GLT6D1: variants seen among roughly 807,000 people sequenced by gnomAD.
GLT6D1 encodes glycosyltransferase 6 domain containing 1, also known as putative glycosyltransferase 6 domain-containing protein 1.
In GLT6D1, 9 loss-of-function variants were observed where a neutral mutation model predicts 12.3. The ratio of observed to expected loss-of-function variants is 0.73; its 90% CI spans 0.44 to 1.27. The LOEUF (loss-of-function observed/expected upper bound fraction) is 1.27. Ranked by LOEUF, GLT6D1 falls within the 50% of genes most tolerant of loss-of-function variation. The pLI, the probability that GLT6D1 is intolerant of heterozygous loss-of-function variation, is 0.00. For synonymous variants in GLT6D1, 128 were observed against 132.3 expected (o/e 0.97, Z 0.23); for missense variants, 335 against 346.2 (o/e 0.97, Z 0.26).
intron 2 of GLT6D1, among the ~76,000 whole-genome samples, chr9:135,638,871 A>G (rs1037851837): frequency 2.0e-5 from 3 of 152,196 alleles, no homozygotes; most frequent in African/African-American, 7.2e-5. Context: ...CTCTACAAAA[A>G]AAATTCAAAA....
chr9:135,625,989 G>T, intron 4 of GLT6D1, 80 bp downstream of exon 4: 3 of 1,473,474 alleles, frequency 2.0e-6, no homozygotes, highest in South Asian at 1.2e-5. Flanking sequence ...ATTATGGTTG[G>T]CTCTTTGGAG....
At chr9:135,635,704 G>A (rs1833759142) in intron 2 of GLT6D1, among the ~76,000 whole-genome samples, 1 of 152,224 alleles carries the variant, frequency 6.6e-6, no homozygotes, top group Non-Finnish European at 1.5e-5. Context: ...GGCCCTCTCA[G>A]CTAACAGAGC....
intron 3 of GLT6D1, among the ~76,000 whole-genome samples, chr9:135,626,532 C>T (rs1483762348): frequency 6.6e-6 from 1 of 152,192 alleles, no homozygotes; most frequent in Non-Finnish European, 1.5e-5. Context: ...CAGGAGCTGC[C>T]TTTTCCAAGC....
chr9:135,635,578 C>T (rs1833755119), intron 2 of GLT6D1, among the ~76,000 whole-genome samples: 1 of 152,192 alleles, frequency 6.6e-6, no homozygotes, highest in Non-Finnish European at 1.5e-5. Context: ...AGATCTGTTG[C>T]TTTCCTGGAG....
rs114700197 is a variant in GLT6D1, at chr9:135,624,476, A to G, written c.452T>C (p.Val151Ala). ...GGCGATGTGTTCACCCAGGCTCTTC[A>G]CATGCACCAGGGGGCCATCGAGCCA... is the stretch of plus-strand genomic sequence containing the variant. The part of the protein sequence containing the change: ...RWWLDGPLVH[V>A]KSLGEHIASH... Residue 151 changes from valine (V) to alanine (A), a missense_variant, in exon 5 of 5, where the codon GTG becomes GCG. Physicochemically the swap from Val to Ala is moderately conservative, Grantham distance 64. Transcript: ENST00000371763. The G allele has an allele frequency of 3.7e-4, 589 of 1,613,340 alleles. No homozygotes were observed. The African/African-American group carries it at 7.0e-3, about 19-fold the overall frequency.
rs190875822 is a variant in GLT6D1 at position 135,634,335 on chromosome 9, G to A, written c.72-2857C>T. On this transcript the variant is annotated intron_variant, in intron 2 of 4. Coordinates refer to ENST00000371763, the MANE Select transcript of GLT6D1 (RefSeq NM_182974.3). ...GAAGAGACAGGATTTTGCCATGTCAGCCAGCTGGTCTCCAACTCCTGACCT... is the reference window on the plus strand; with the variant it reads ...GAAGAGACAGGATTTTGCCATGTCAACCAGCTGGTCTCCAACTCCTGACCT... 1.7e-3 allele frequency among the ~76,000 whole-genome samples: 254 copies of A among 151,536 alleles called. 3 individuals are homozygous for A. The highest frequency in any genetic ancestry group is 2.4e-3 in the Non-Finnish European group (163 of 67,866).
chr9:135,632,787 C>T (rs112660305), intron 2 of GLT6D1, among the ~76,000 whole-genome samples: 127 of 152,074 alleles, frequency 8.4e-4, no homozygotes, highest in African/African-American at 3.0e-3. Context: ...CCTGCCTCAG[C>T]ACCCCCAGTA....
intron 2 of GLT6D1, 121 bp from the exon 3 acceptor site, chr9:135,631,599 G>T: frequency 1.3e-6 from 1 of 764,674 alleles, no homozygotes; most frequent in Non-Finnish European, 2.4e-6. Flanking sequence ...AGAGTCAGGG[G>T]AAGCCTCCCA....
chr9:135,623,887 A>T lies in GLT6D1; in HGVS notation c.*210T>A. The stretch of plus-strand genomic sequence containing the variant: ...CTCAAAATGGCAAGAAGAAACATTT[A>T]TTTGGGAAGGATGTAAATTTGTATG... On this transcript the variant is annotated 3_prime_UTR_variant, in exon 5 of 5. Coordinates refer to ENST00000371763, the MANE Select transcript of GLT6D1 (RefSeq NM_182974.3). 1 of 491,602 alleles carries T rather than the reference A, an allele frequency of 2.0e-6. No homozygotes were observed. Among genetic ancestry groups the T allele is most frequent in the Non-Finnish European group, 3.6e-6 (1 of 279,912 alleles). The allele number at this position is 491,602 out of a possible 1,614,324, so 30.5% of individuals were successfully genotyped here. A position where few individuals can be genotyped will look rare whatever the true frequency, so the allele number is the denominator to read the frequency against.
chr9:135,625,157 A>G (rs1302455162), intron 4 of GLT6D1, among the ~76,000 whole-genome samples: 1 of 152,100 alleles, frequency 6.6e-6, no homozygotes, highest in Non-Finnish European at 1.5e-5. Flanking sequence ...TCGGGCCCAC[A>G]GCTTCAGCTG....
chr9:135,637,199 C>T (rs1257354098), intron 2 of GLT6D1, among the ~76,000 whole-genome samples: 1 of 151,372 alleles, frequency 6.6e-6, no homozygotes, highest in Non-Finnish European at 1.5e-5. Context: ...CACAGATGAG[C>T]CACAGCATGT....
rs1313212918 is a variant in GLT6D1 at position 135,624,278 on chromosome 9, C to T, written c.650G>A (p.Cys217Tyr). 1 of 1,603,110 alleles carries T rather than the reference C, an allele frequency of 6.2e-7. No individual in the cohort carries two copies. Among genetic ancestry groups the T allele is most frequent in the Non-Finnish European group, 8.5e-7 (1 of 1,174,924 alleles). Residue 217 changes from cysteine (C) to tyrosine (Y), a missense_variant, in exon 5 of 5, where the codon TGC becomes TAC. Transcript: ENST00000371763. ...PYERRPTSAACIPFGQGDFYY... is the reference protein window; with the variant it reads ...PYERRPTSAAYIPFGQGDFYY... ...GAAATCTCCCTGTCCAAACGGGATG[C>T]AAGCTGCTGAGGTCGGCCTCCTCTC...
chr9:135,626,334 C>T (rs1833518125), intron 3 of GLT6D1, 128 bp from the exon 4 acceptor site: 2 of 893,590 alleles, frequency 2.2e-6, no homozygotes, highest in Non-Finnish European at 1.7e-6. Flanking sequence ...AGTGCATCAT[C>T]CCACTGGATT....
chr9:135,631,148 G>A (rs535397735), intron 3 of GLT6D1, among the ~76,000 whole-genome samples: 17 of 152,298 alleles, frequency 1.1e-4, no homozygotes, highest in Admixed American at 3.3e-4. Context: ...GTCAAGCAGC[G>A]TCATCAGTGG....
chr9:135,630,775 A>T (rs1314123074), intron 3 of GLT6D1, among the ~76,000 whole-genome samples: 1 of 152,154 alleles, frequency 6.6e-6, no homozygotes, highest in Non-Finnish European at 1.5e-5. Context: ...TTGAATTGAG[A>T]TGCCTTAACT....
intron 4 of GLT6D1, among the ~76,000 whole-genome samples, 184 bp from the exon 5 acceptor site, chr9:135,624,854 C>T (rs572331175): frequency 2.0e-5 from 3 of 150,692 alleles, no homozygotes; most frequent in South Asian, 2.1e-4. Flanking sequence ...CTCAGCCTCC[C>T]AAGTAGCTGG....
chr9:135,636,427 T>C (rs1167373720), intron 2 of GLT6D1, among the ~76,000 whole-genome samples: 1 of 152,216 alleles, frequency 6.6e-6, no homozygotes, highest in Non-Finnish European at 1.5e-5. Flanking sequence ...CCCTGACCCC[T>C]TCCAGTGGGA....
At chr9:135,640,846 A>G (rs1389743873), upstream of GLT6D1, among the ~76,000 whole-genome samples, 1 of 152,116 alleles carries the variant, frequency 6.6e-6, no homozygotes, top group Non-Finnish European at 1.5e-5. Context: ...TACCTCTGCA[A>G]TTGGAAACTG....
At chr9:135,640,112 C>T (rs1439341016), upstream of GLT6D1, among the ~76,000 whole-genome samples, 2 of 152,120 alleles carry the variant, frequency 1.3e-5, no homozygotes, top group South Asian at 2.1e-4. Flanking sequence ...ACAAACATGA[C>T]ACTTTAGCTC....
Sources: gnomAD v4.1 joint callset for allele counts (sites outside exome capture counted in the v4.1 genomes callset) on GRCh38, gnomAD v4.1.1 for gene constraint, MANE v1.5 for transcripts, NCBI Gene and HGNC (gene_info 2026-07-23, HGNC 2026-07-21) for gene names.